The following LRGUK variants were observed in gnomAD, a reference collection of about 807,000 sequenced individuals.
The protein encoded by LRGUK is leucine-rich repeat and guanylate kinase domain-containing protein.
LRGUK carries 65 observed loss-of-function variants against 76.0 expected under a neutral mutation model. The observed-to-expected ratio is 0.85, with a 90% CI of 0.70 to 1.05. LRGUK has a LOEUF of 1.05. LRGUK is among the 50% of genes least tolerant of loss of function. LRGUK has a pLI of 0.00. For missense variants in LRGUK, 758 were observed against 732.8 expected, an observed-to-expected ratio of 1.03 and a Z score of -0.40; for synonymous variants, 268 against 265.6, an observed-to-expected ratio of 1.01 and a Z score of -0.09.
chr7:134,174,486 C>T, intron 7 of LRGUK, 70 bp from the exon 8 acceptor site: 2 of 965,362 alleles, frequency 2.1e-6, no homozygotes, highest in Non-Finnish European at 3.3e-6. Context: ...AAACTGGCTT[C>T]TATTGTATTA....
downstream of LRGUK, among the ~76,000 whole-genome samples, chr7:134,268,914 G>A (rs183252908): frequency 3.9e-4 from 59 of 151,442 alleles, 1 homozygote; most frequent in African/African-American, 1.3e-3. Context: ...TGTATTTTTA[G>A]TAGAGACAGG....
chr7:134,264,143 C>A, exon 20 of LRGUK: 1 of 577,936 alleles, frequency 1.7e-6, no homozygotes, highest in Non-Finnish European at 2.6e-6. Context: ...GATTCTTTGG[C>A]TGGTGTCTTT....
chr7:134,147,261 A>AAAC (rs371044249), intron 4 of LRGUK, among the ~76,000 whole-genome samples: 2,615 of 151,482 alleles, frequency 0.017, 82 homozygotes, highest in African/African-American at 0.055. Context: ...CTAAAAATAC[A>AAAC]AACAACAACA....
At chr7:134,235,615 G>A (rs1801995735) in intron 16 of LRGUK, among the ~76,000 whole-genome samples, 1 of 151,994 alleles carries the variant, frequency 6.6e-6, no homozygotes, top group Non-Finnish European at 1.5e-5. Flanking sequence ...CTTGTTGTTG[G>A]TCTTCCCCTG....
chr7:134,222,626 T>TTG lies in LRGUK; in HGVS notation c.1983+708_1983+709insTG, dbSNP rs1255868737. On this transcript the variant is annotated intron_variant, in intron 16 of 19. Transcript: ENST00000285928. ...TTTGTTTTTGTTTTGTTTTTTTTTT[T>TTG]GAGACGGAGTTTTGCTCTTGTTGCC... 1.3e-3 allele frequency among the ~76,000 whole-genome samples: 191 copies of TTG among 152,174 alleles called. 1 individual carries two copies. The highest frequency in any genetic ancestry group is 4.4e-3 in the African/African-American group (182 of 41,498).
chr7:134,270,687 CCA>C, the LRGUK span, among the ~76,000 whole-genome samples: 5 of 152,006 alleles, frequency 3.3e-5, no homozygotes, highest in African/African-American at 1.2e-4. Flanking sequence ...TAAGATTAAT[CCA>C]CATAGTTTTT....
downstream of LRGUK, among the ~76,000 whole-genome samples, chr7:134,269,100 A>G (rs556619452): frequency 6.6e-6 from 1 of 152,168 alleles, no homozygotes; most frequent in East Asian, 1.9e-4. Flanking sequence ...AAATTCTACC[A>G]GTTGTACAAA....
chr7:134,153,309 TTTTTA>T (rs1248181419), intron 5 of LRGUK, among the ~76,000 whole-genome samples: 2 of 152,132 alleles, frequency 1.3e-5, no homozygotes, highest in African/African-American at 4.8e-5. Flanking sequence ...GATACCAATT[TTTTTA>T]TTTTGTTATG....
At chr7:134,224,388 C>T (rs76603598) in intron 16 of LRGUK, among the ~76,000 whole-genome samples, 2,540 of 152,270 alleles carry the variant, frequency 0.017, 67 homozygotes, top group African/African-American at 0.053. Context: ...TTTATTTAAA[C>T]GTGTTTAGGG....
At chr7:134,146,305 A>G (rs1442233596) in intron 4 of LRGUK, among the ~76,000 whole-genome samples, 1 of 152,072 alleles carries the variant, frequency 6.6e-6, no homozygotes, top group Non-Finnish European at 1.5e-5. Flanking sequence ...CCATAGCTAC[A>G]TAGAGAGCAT....
At position 134,260,582 on chromosome 7, in the gene LRGUK, T is replaced by C. The variant is rs553048584; in HGVS notation, c.2347+2177T>C. On this transcript the variant is annotated intron_variant, in intron 19 of 19. Transcript: ENST00000285928. ...CATCTTTTCAGGCCTTTCCTGGGTA[T>C]GCATTTTCCCTGGGCTTGTGTGTGT... Among the ~76,000 whole-genome samples, 9 of 152,336 alleles carry C rather than the reference T, an allele frequency of 5.9e-5. No individual in the cohort carries two copies. The East Asian group carries it at 1.7e-3, about 29-fold the overall frequency.
intron 18 of LRGUK, among the ~76,000 whole-genome samples, chr7:134,255,940 T>C (rs960361666): frequency 6.6e-6 from 1 of 152,022 alleles, no homozygotes; most frequent in Admixed American, 6.6e-5. Context: ...TATAAATACT[T>C]CAATCAGCCA....
the LRGUK span, among the ~76,000 whole-genome samples, chr7:134,275,399 T>C: frequency 2.6e-5 from 4 of 152,078 alleles, no homozygotes; most frequent in African/African-American, 9.7e-5. Context: ...CATTTTGGAA[T>C]ATATACAGTA....
chr7:134,174,427 A>G, intron 7 of LRGUK, 129 bp from the exon 8 acceptor site: 1 of 625,210 alleles, frequency 1.6e-6, no homozygotes, highest in Non-Finnish European at 2.9e-6. Context: ...AATTCTCATT[A>G]AAAAGCTAGA....
rs1563161654 is a variant in LRGUK, at chr7:134,174,542, CTTT to C, written c.940-13_940-11del. On this transcript the variant is annotated splice_polypyrimidine_tract_variant and intron_variant, in intron 7 of 15. Transcript: ENST00000645682. ...CATTTAGTCTGTTGATAATTTTTTT[CTTT>C]GATTGAACAGATTGCTGAGCTGAGA... 1 of 1,542,744 alleles carries C rather than the reference CTTT, an allele frequency of 6.5e-7. No individual in the cohort carries two copies. Among genetic ancestry groups the C allele is most frequent in the East Asian group, 2.3e-5 (1 of 44,268 alleles).
chr7:134,243,629 A>G (rs1455311734), intron 16 of LRGUK, among the ~76,000 whole-genome samples: 2 of 152,196 alleles, frequency 1.3e-5, no homozygotes, highest in Non-Finnish European at 2.9e-5. Context: ...ATAATGCCCA[A>G]GGTAATTTAT....
intron 16 of LRGUK, among the ~76,000 whole-genome samples, chr7:134,241,620 C>A (rs56335859): frequency 0.028 from 4,333 of 152,070 alleles, 203 homozygotes; most frequent in African/African-American, 0.095. Flanking sequence ...ACTTTAACAC[C>A]CTACTGTCAA....
intron 18 of LRGUK, among the ~76,000 whole-genome samples, chr7:134,256,152 C>T (rs547503265): frequency 6.6e-6 from 1 of 152,114 alleles, no homozygotes; most frequent in Non-Finnish European, 1.5e-5. Context: ...CACCCCCGAA[C>T]CTTCCCTTAA....
intron 14 of LRGUK, among the ~76,000 whole-genome samples, chr7:134,200,473 T>C (rs1440170423): frequency 6.6e-6 from 1 of 152,174 alleles, no homozygotes; most frequent in Non-Finnish European, 1.5e-5. Context: ...TAGTATGCCA[T>C]AATTTATGTA....
Sources: gnomAD v4.1 joint callset for allele counts (sites outside exome capture counted in the v4.1 genomes callset) on GRCh38, gnomAD v4.1.1 for gene constraint, MANE v1.5 for transcripts, NCBI Gene and HGNC (gene_info 2026-07-23, HGNC 2026-07-21) for gene names.